The following SLC44A5 variants were observed in gnomAD, a reference collection of about 807,000 sequenced individuals.
SLC44A5 encodes the protein choline transporter-like protein 5.
Under a neutral mutation model 101.8 loss-of-function variants are expected in SLC44A5, and 57 were observed. The observed-to-expected ratio is 0.56, with a 90% CI of 0.45 to 0.70. SLC44A5 has a LOEUF of 0.70. Among genes scored for constraint, SLC44A5 ranks in the 30% least tolerant of loss-of-function variants. The probability of loss-of-function intolerance (pLI) is 0.00; values close to 1 mark genes in which losing one functional copy is unlikely to be tolerated. For missense variants in SLC44A5, 737 were observed against 853.1 expected (o/e 0.86, Z 1.70); for synonymous variants, 281 against 290.9 (o/e 0.97, Z 0.35).
intron 2 of SLC44A5, among the ~76,000 whole-genome samples, chr1:75,507,413 A>G (rs1669328810): frequency 6.6e-6 from 1 of 152,140 alleles, no homozygotes; most frequent in Non-Finnish European, 1.5e-5. Flanking sequence ...TGATCGTGAC[A>G]AATTAACTTT....
chr1:75,600,282 T>C (rs1410451193), intron 1 of SLC44A5, among the ~76,000 whole-genome samples: 1 of 152,032 alleles, frequency 6.6e-6, no homozygotes, highest in Non-Finnish European at 1.5e-5. Context: ...AGTACAACCA[T>C]GAAAATTATA....
chr1:75,262,789 G>A (rs1267020414), intron 6 of SLC44A5, among the ~76,000 whole-genome samples: 1 of 152,020 alleles, frequency 6.6e-6, no homozygotes, highest in Non-Finnish European at 1.5e-5. Flanking sequence ...CAGATATATA[G>A]ACCAATGGAA....
intron 5 of SLC44A5, among the ~76,000 whole-genome samples, chr1:75,297,384 C>T (rs917714103): frequency 6.6e-6 from 1 of 152,138 alleles, no homozygotes; most frequent in East Asian, 1.9e-4. Flanking sequence ...TCCCAGGCTC[C>T]AGCCATCCTC....
At chr1:75,409,432 A>G (rs1663127600) in intron 2 of SLC44A5, among the ~76,000 whole-genome samples, 1 of 152,142 alleles carries the variant, frequency 6.6e-6, no homozygotes, top group South Asian at 2.1e-4. Context: ...TTTAAAAAAG[A>G]AAGGTGATTG....
At chr1:75,444,972 G>A (rs561886551) in intron 2 of SLC44A5, among the ~76,000 whole-genome samples, 34 of 152,214 alleles carry the variant, frequency 2.2e-4, no homozygotes, top group African/African-American at 7.0e-4. Flanking sequence ...ATAATTAACC[G>A]TGAGAGTAGG....
At chr1:75,564,708 C>T (rs955746223) in intron 1 of SLC44A5, among the ~76,000 whole-genome samples, 8 of 151,858 alleles carry the variant, frequency 5.3e-5, no homozygotes, top group Non-Finnish European at 1.2e-4. Flanking sequence ...CAAGCTCAGC[C>T]TCCTGGGCTC....
intron 2 of SLC44A5, among the ~76,000 whole-genome samples, chr1:75,415,544 C>T (rs934127252): frequency 1.1e-4 from 16 of 152,024 alleles, no homozygotes; most frequent in Non-Finnish European, 2.2e-4. Context: ...TAGAGTGGGG[C>T]GCTGCTGAAA....
chr1:75,632,711 G>C, the SLC44A5 span, among the ~76,000 whole-genome samples: 4 of 152,124 alleles, frequency 2.6e-5, no homozygotes, highest in African/African-American at 9.7e-5. Flanking sequence ...ATTACCCACA[G>C]GGAATATTTG....
chr1:75,510,428 T>C (rs541653115), intron 2 of SLC44A5, among the ~76,000 whole-genome samples: 1 of 152,242 alleles, frequency 6.6e-6, no homozygotes, highest in South Asian at 2.1e-4. Flanking sequence ...GAAATCAAGA[T>C]TGAAGACAGA....
the SLC44A5 span, among the ~76,000 whole-genome samples, chr1:75,669,261 A>G: frequency 1.4e-5 from 2 of 147,526 alleles, no homozygotes; most frequent in Non-Finnish European, 2.9e-5. Context: ...TCTAGTCTTT[A>G]AGCTTGACCC....
intron 5 of SLC44A5, among the ~76,000 whole-genome samples, chr1:75,279,469 A>C (rs1332059503): frequency 6.6e-6 from 1 of 152,162 alleles, no homozygotes; most frequent in African/African-American, 2.4e-5. Flanking sequence ...TTCATGAAGA[A>C]CCTGGACCCA....
intron 3 of SLC44A5, among the ~76,000 whole-genome samples, chr1:75,374,368 A>C (rs571507056): frequency 6.6e-6 from 1 of 152,214 alleles, no homozygotes; most frequent in Non-Finnish European, 1.5e-5. Flanking sequence ...TTAGAGGACC[A>C]GTAGGTCTCC....
intron 6 of SLC44A5, among the ~76,000 whole-genome samples, chr1:75,263,635 T>C (rs1650727822): frequency 2.0e-5 from 3 of 152,204 alleles, no homozygotes; most frequent in African/African-American, 4.8e-5. Context: ...ACTGGGTATA[T>C]ACCCAAAGGA....
intron 4 of SLC44A5, among the ~76,000 whole-genome samples, chr1:75,327,717 T>A (rs1443241846): frequency 6.6e-6 from 1 of 152,174 alleles, no homozygotes; most frequent in Non-Finnish European, 1.5e-5. Context: ...CTAAATTAAA[T>A]ACCAATACCC....
At chr1:75,484,511 A>G (rs1307571654) in intron 2 of SLC44A5, among the ~76,000 whole-genome samples, 1 of 152,200 alleles carries the variant, frequency 6.6e-6, no homozygotes, top group Non-Finnish European at 1.5e-5. Context: ...TCTGCAGTGT[A>G]CAGTCCCTGT....
chr1:75,211,626 A>T, intron 22 of SLC44A5, 74 bp from the exon 23 acceptor site: 1 of 1,143,694 alleles, frequency 8.7e-7, no homozygotes, highest in South Asian at 1.3e-5. Context: ...GCTATAAATG[A>T]AAGCCATGAT....
At chr1:75,321,313 C>T (rs1656124214) in intron 4 of SLC44A5, among the ~76,000 whole-genome samples, 1 of 152,124 alleles carries the variant, frequency 6.6e-6, no homozygotes, top group South Asian at 2.1e-4. Context: ...GACTGAATGG[C>T]TTAAACAACA....
intron 3 of SLC44A5, among the ~76,000 whole-genome samples, chr1:75,342,513 G>C (rs74763746): frequency 2.0e-5 from 3 of 150,016 alleles, no homozygotes; most frequent in Non-Finnish European, 3.0e-5. Flanking sequence ...AACAAGAGGC[G>C]GAGGTGGCAT....
the SLC44A5 span, among the ~76,000 whole-genome samples, chr1:75,700,779 AAG>A: frequency 2.0e-5 from 3 of 152,194 alleles, no homozygotes; most frequent in Admixed American, 2.0e-4. Context: ...TAAAGAAGAA[AAG>A]AGAGAAGAAT....
Sources: gnomAD v4.1 joint callset for allele counts (sites outside exome capture counted in the v4.1 genomes callset) on GRCh38, gnomAD v4.1.1 for gene constraint, MANE v1.5 for transcripts, NCBI Gene and HGNC (gene_info 2026-07-23, HGNC 2026-07-21) for gene names.